CDYL2: variants seen among roughly 807,000 people sequenced by gnomAD.
The protein encoded by CDYL2 is chromodomain Y-like protein 2.
Under a neutral mutation model 49.4 loss-of-function variants are expected in CDYL2, and 23 were observed. The observed-to-expected ratio is 0.47, with a 90% CI of 0.34 to 0.66. CDYL2 has a LOEUF of 0.66. Among genes scored for constraint, CDYL2 ranks in the 30% least tolerant of loss-of-function variants. The probability of loss-of-function intolerance (pLI) is 0.01; values close to 1 mark genes in which losing one functional copy is unlikely to be tolerated. For synonymous variants in CDYL2, 360 were observed against 268.8 expected (o/e 1.34, Z -3.32); for missense variants, 678 against 656.4 (o/e 1.03, Z -0.36).
rs1431192370 is a variant in CDYL2 at position 80,672,348 on chromosome 16, C to CAG, written c.616+12189_616+12190insCT. 9.3e-4 allele frequency among the ~76,000 whole-genome samples: 79 copies of CAG among 85,186 alleles called. 1 individual carries two copies. Among genetic ancestry groups the CAG allele is most frequent in the South Asian group, 3.4e-3 (8 of 2,324 alleles). 55.9% of individuals were successfully genotyped at this position (85,186 alleles called of 152,430 possible). A position where few individuals can be genotyped will look rare whatever the true frequency, so the allele number is the denominator to read the frequency against. On this transcript the variant is annotated intron_variant, in intron 2 of 6. Coordinates refer to ENST00000570137, the MANE Select transcript of CDYL2 (RefSeq NM_152342.4). ...ACACACACACACACACACACACACA[C>CAG]ACACAGAGAGAGAGAGAGAGATGAG...
intron 1 of CDYL2, among the ~76,000 whole-genome samples, chr16:80,782,372 G>A (rs370646726): frequency 2.0e-5 from 3 of 151,422 alleles, no homozygotes; most frequent in South Asian, 4.2e-4. Flanking sequence ...CGAAGAAAAG[G>A]CCAAGACCAA....
intron 1 of CDYL2, among the ~76,000 whole-genome samples, chr16:80,774,405 T>C (rs1486874778): frequency 2.9e-5 from 4 of 139,034 alleles, no homozygotes; most frequent in Non-Finnish European, 4.7e-5. Context: ...TGGGGGAGGA[T>C]GGGGGAAGGA....
At chr16:80,714,211 C>G (rs1345181549) in intron 1 of CDYL2, among the ~76,000 whole-genome samples, 1 of 152,152 alleles carries the variant, frequency 6.6e-6, no homozygotes, top group Non-Finnish European at 1.5e-5. Flanking sequence ...TGACACTAAG[C>G]TTCCATCCTG....
chr16:80,792,390 A>G (rs1338632345), intron 1 of CDYL2, among the ~76,000 whole-genome samples: 1 of 152,170 alleles, frequency 6.6e-6, no homozygotes, highest in Non-Finnish European at 1.5e-5. Flanking sequence ...CAAGAACAAG[A>G]GGTGGCGACC....
chr16:80,727,347 G>A (rs1334488261), intron 1 of CDYL2, among the ~76,000 whole-genome samples: 6 of 152,208 alleles, frequency 3.9e-5, no homozygotes, highest in African/African-American at 1.2e-4. Flanking sequence ...GACGGCACCT[G>A]GAAAATCGGG....
At chr16:80,671,595 T>C (rs1343521793) in intron 2 of CDYL2, among the ~76,000 whole-genome samples, 3 of 151,986 alleles carry the variant, frequency 2.0e-5, no homozygotes, top group African/African-American at 4.8e-5. Flanking sequence ...TTCTCCCCAA[T>C]CTCAAAAGAC....
intron 1 of CDYL2, among the ~76,000 whole-genome samples, chr16:80,754,419 G>C (rs1255658563): frequency 6.6e-6 from 1 of 152,182 alleles, no homozygotes; most frequent in Non-Finnish European, 1.5e-5. Flanking sequence ...TCATAAATTA[G>C]GAGATGTTGC....
intron 2 of CDYL2, among the ~76,000 whole-genome samples, chr16:80,646,721 A>T (rs1387320283): frequency 6.6e-6 from 1 of 152,076 alleles, no homozygotes; most frequent in Admixed American, 6.6e-5. Context: ...CCAGGGAGTC[A>T]GAGGTTGCAG....
At chr16:80,755,496 T>C (rs146194785) in intron 1 of CDYL2, among the ~76,000 whole-genome samples, 65 of 152,278 alleles carry the variant, frequency 4.3e-4, no homozygotes, top group African/African-American at 1.6e-3. Context: ...CCCTAATGGT[T>C]CACAGGGCCA....
chr16:80,750,975 G>T (rs529306321), intron 1 of CDYL2, among the ~76,000 whole-genome samples: 1 of 151,888 alleles, frequency 6.6e-6, no homozygotes, highest in African/African-American at 2.4e-5. Context: ...AGCCAAGATC[G>T]CACCACTGCA....
chr16:80,724,788 C>G (rs148841128), intron 1 of CDYL2, among the ~76,000 whole-genome samples: 49 of 152,320 alleles, frequency 3.2e-4, no homozygotes, highest in African/African-American at 1.2e-3. Context: ...TCTGCATCAC[C>G]AAGTCACCAA....
chr16:80,756,862 T>C (rs1261504321), intron 1 of CDYL2, among the ~76,000 whole-genome samples: 2 of 147,880 alleles, frequency 1.4e-5, no homozygotes, highest in East Asian at 3.9e-4. Flanking sequence ...TATAAATTAG[T>C]AAAAAAAAAA....
intron 1 of CDYL2, among the ~76,000 whole-genome samples, chr16:80,773,673 A>G (rs1259579383): frequency 6.6e-6 from 1 of 152,186 alleles, no homozygotes; most frequent in Non-Finnish European, 1.5e-5. Flanking sequence ...ATGTTTGAAA[A>G]TTAAGAAATA....
intron 2 of CDYL2, among the ~76,000 whole-genome samples, chr16:80,672,725 T>C (rs1355277930): frequency 2.0e-5 from 3 of 152,330 alleles, no homozygotes; most frequent in Middle Eastern, 6.8e-3. Context: ...CATTTCTTTA[T>C]GTGCAAACCA....
Position 80,604,279 on chromosome 16 carries a change from A to T in CDYL2, c.*109T>A. 8.4e-7 allele frequency: 1 copy of T among 1,189,698 alleles called. No homozygotes were observed. The highest frequency in any genetic ancestry group is 1.2e-6 in the Non-Finnish European group (1 of 825,164). 73.7% of individuals were successfully genotyped at this position (1,189,698 alleles called of 1,614,324 possible). On this transcript the variant is annotated 3_prime_UTR_variant, in exon 7 of 7. Transcript: ENST00000570137. ...GACACGAGGAAATGGACACAACCCT[A>T]CGTATAAAGAGACACCTTGACAAAC...
Position 80,804,245 on chromosome 16 carries a change from G to A in CDYL2, c.-72C>T, listed in dbSNP as rs1908028019. ...GCGCCCTCCGTGCGTGTGCGCGCGG[G>A]GTCCGGTGTGCGCGTGTGTGTGCGC... On this transcript the variant is annotated 5_prime_UTR_variant, in exon 1 of 7. Coordinates refer to ENST00000570137, the MANE Select transcript of CDYL2 (RefSeq NM_152342.4). The A allele has an allele frequency of 3.1e-6, 4 of 1,291,320 alleles. No individual in the cohort carries two copies. Among genetic ancestry groups the A allele is most frequent in the Non-Finnish European group, 4.1e-6 (4 of 982,888 alleles). 80.0% of individuals were successfully genotyped at this position (1,291,320 alleles called of 1,614,324 possible). A position where few individuals can be genotyped will look rare whatever the true frequency, so the allele number is the denominator to read the frequency against.
At chr16:80,636,560 T>C (rs1907835613) in intron 2 of CDYL2, among the ~76,000 whole-genome samples, 1 of 152,132 alleles carries the variant, frequency 6.6e-6, no homozygotes, top group East Asian at 1.9e-4. Context: ...AAACAACAGG[T>C]GCTGGAGAGG....
At chr16:80,642,694 C>T (rs1488668705) in intron 2 of CDYL2, among the ~76,000 whole-genome samples, 2 of 151,988 alleles carry the variant, frequency 1.3e-5, no homozygotes, top group Non-Finnish European at 2.9e-5. Context: ...ATAGCAGTGG[C>T]AAGAGGAAAT....
At chr16:80,673,615 G>C (rs1909621860) in intron 2 of CDYL2, among the ~76,000 whole-genome samples, 1 of 152,090 alleles carries the variant, frequency 6.6e-6, no homozygotes, top group South Asian at 2.1e-4. Context: ...TTACCAGCAG[G>C]TTTCTTGCCC....
Sources: allele counts gnomAD v4.1 joint callset (sites outside exome capture counted in the v4.1 genomes callset), GRCh38; gene constraint gnomAD v4.1.1; transcripts MANE v1.5; gene names NCBI Gene and HGNC (gene_info 2026-07-23, HGNC 2026-07-21).